The following BUB1 variants were observed in gnomAD, a reference collection of about 807,000 sequenced individuals.
BUB1 encodes BUB1 mitotic checkpoint serine/threonine kinase.
Under a neutral mutation model 135.2 loss-of-function variants are expected in BUB1, and 84 were observed. The ratio of observed to expected loss-of-function variants is 0.62; its 90% CI spans 0.52 to 0.74. The LOEUF (loss-of-function observed/expected upper bound fraction) is 0.74, where lower values mean the gene tolerates loss of function less well. Among genes scored for constraint, BUB1 ranks in the 30% least tolerant of loss-of-function variants. The pLI is 0.00. For synonymous variants in BUB1, 403 were observed against 434.4 expected (o/e 0.93, Z 0.90); for missense variants, 1,162 against 1,288.3 (o/e 0.90, Z 1.50).
At chr2:110,663,751 G>A (rs184931349) in intron 9 of BUB1, among the ~76,000 whole-genome samples, 3 of 152,302 alleles carry the variant, frequency 2.0e-5, no homozygotes, top group South Asian at 2.1e-4. Context: ...GATGCTGGCC[G>A]GGCACTGTGG....
chr2:110,666,185 A>T, intron 9 of BUB1, 78 bp downstream of exon 9: 1 of 1,273,532 alleles, frequency 7.9e-7, no homozygotes, highest in Non-Finnish European at 1.0e-6. Context: ...TAACTCTAAA[A>T]CAGCACATAG....
At chr2:110,669,930 A>C (rs1338693859) in intron 5 of BUB1, among the ~76,000 whole-genome samples, 2 of 151,994 alleles carry the variant, frequency 1.3e-5, no homozygotes, top group Non-Finnish European at 2.9e-5. Flanking sequence ...CAGATTAAGT[A>C]TTTTGGTCAA....
chr2:110,644,489 A>G (rs1408850201), intron 19 of BUB1, among the ~76,000 whole-genome samples: 1 of 151,980 alleles, frequency 6.6e-6, no homozygotes. Flanking sequence ...AAAAAAAAAA[A>G]AAAAAAAAAT....
chr2:110,657,066 G>A lies in BUB1; in HGVS notation c.1668C>T (p.Arg556=). The A allele has an allele frequency of 6.2e-7, 1 of 1,613,304 alleles. No homozygotes were observed. Among genetic ancestry groups the A allele is most frequent in the Non-Finnish European group, 8.5e-7 (1 of 1,179,540 alleles). ...KPTGARTFGE[R]SVSRLPSKPK... is the part of the protein sequence containing the mutation. ...GTTTTGAAGGAAGTCTGCTGACAGA[G>A]CGTTCTCCAAAGGTCCTGGCTCCTG... is the stretch of plus-strand genomic sequence containing the variant. The change falls in exon 15 of 25, where the codon CGC becomes CGT. Residue 556 remains arginine, a synonymous_variant. Transcript: ENST00000302759.
chr2:110,650,465 A>G, intron 18 of BUB1, 81 bp downstream of exon 18: 1 of 1,339,580 alleles, frequency 7.5e-7, no homozygotes, highest in Non-Finnish European at 1.0e-6. Flanking sequence ...TTCAAGTCCC[A>G]CTGTGGGTTT....
intron 23 of BUB1, among the ~76,000 whole-genome samples, chr2:110,640,683 T>A (rs925897335): frequency 6.6e-6 from 1 of 152,186 alleles, no homozygotes; most frequent in African/African-American, 2.4e-5. Context: ...TATCCCTGAT[T>A]TAGGAAATTG....
At chr2:110,668,753 A>G (rs758711753) in intron 6 of BUB1, among the ~76,000 whole-genome samples, 1 of 152,186 alleles carries the variant, frequency 6.6e-6, no homozygotes, top group Non-Finnish European at 1.5e-5. Context: ...ACCTTTTCTC[A>G]CAGGGAAGGA....
chr2:110,649,186 T>G (rs778075714), intron 19 of BUB1, 48 bp downstream of exon 19: 3 of 1,563,370 alleles, frequency 1.9e-6, no homozygotes, highest in Non-Finnish European at 2.6e-6. Context: ...CATCAACTTC[T>G]CATAGAGAAA....
In BUB1 at chr2:110,667,662, G is replaced by A. The variant is rs753509888; in HGVS notation, c.664C>T (p.His222Tyr). The change falls in exon 8 of 25, where the codon CAC becomes TAC. Residue 222 changes from histidine (H) to tyrosine (Y), a missense_variant. By Grantham distance (83) the His-to-Tyr change is moderately conservative. Transcript: ENST00000302759. ...TCAACTTTGGATGCCAAAGATGAGT[G>A]CACAGAATATTCTGATTTAGAAATC... Reference protein sequence around the residue: ...ITISKSEYSVHSSLASKVDVE... With the variant: ...ITISKSEYSVYSSLASKVDVE... The A allele has an allele frequency of 1.2e-6, 2 of 1,613,686 alleles. No individual in the cohort carries two copies. Among genetic ancestry groups the A allele is most frequent in the Non-Finnish European group, 1.7e-6 (2 of 1,179,912 alleles).
chr2:110,650,320 T>C (rs1689751302), intron 18 of BUB1, among the ~76,000 whole-genome samples: 1 of 152,188 alleles, frequency 6.6e-6, no homozygotes, highest in Non-Finnish European at 1.5e-5. Flanking sequence ...TCTAATTCCC[T>C]CTTCCAACAG....
Position 110,642,160 on chromosome 2 carries a change from C to G in BUB1, c.2422G>C (p.Asp808His), listed in dbSNP as rs748219999. 3 of 1,613,594 alleles carry G rather than the reference C, an allele frequency of 1.9e-6. No homozygotes were observed. Among genetic ancestry groups the G allele is most frequent in the South Asian group, 2.2e-5 (2 of 90,944 alleles). The part of the protein sequence containing the change: ...FAQVYEATQG[D>H]LNDAKNKQKF... ...TGTTTATTTTTAGCATCATTCAGATCTCCCTGGGTAGCTTCGTACACCTGG... is the reference window on the plus strand; with the variant it reads ...TGTTTATTTTTAGCATCATTCAGATGTCCCTGGGTAGCTTCGTACACCTGG... Residue 808 changes from aspartate (D) to histidine (H), a missense_variant, in exon 20 of 25, where the codon GAT becomes CAT. Coordinates refer to ENST00000302759, the MANE Select transcript of BUB1 (RefSeq NM_004336.5).
intron 1 of BUB1, chr2:110,676,444 A>C (rs1690586554): frequency 1.3e-5 from 2 of 152,224 alleles, no homozygotes; most frequent in South Asian, 4.1e-4. Flanking sequence ...TTATCTACCA[A>C]AACTGGACTG....
At chr2:110,666,003 GA>G in intron 9 of BUB1, 1 of 319,546 alleles carries the variant, frequency 3.1e-6, no homozygotes. Flanking sequence ...ACAAAAACCA[GA>G]AAAAGGTCTA....
rs1375523328 is a variant in BUB1, at chr2:110,656,996, G to A, written c.1698+40C>T. On this transcript the variant is annotated intron_variant, in intron 15 of 24. Coordinates refer to ENST00000302759, the MANE Select transcript of BUB1 (RefSeq NM_004336.5). ...TCATTTGGTAGAATAAAGCGGATGG[G>A]TTGTAGGACCCATTTCATAGATAAA... The A allele has an allele frequency of 4.0e-6, 6 of 1,516,070 alleles. No individual in the cohort carries two copies. In the Admixed American group the frequency reaches 8.6e-5, roughly 22 times the overall value. 93.9% of individuals were successfully genotyped at this position (1,516,070 alleles called of 1,614,324 possible).
chr2:110,639,664 T>TC, intron 24 of BUB1, 78 bp downstream of exon 24: 1 of 1,184,436 alleles, frequency 8.4e-7, no homozygotes, highest in East Asian at 2.4e-5. Flanking sequence ...GAGATCCTTT[T>TC]TTTTTTTTTG....
chr2:110,653,233 A>T (rs1316808045), intron 17 of BUB1, among the ~76,000 whole-genome samples: 1 of 152,228 alleles, frequency 6.6e-6, no homozygotes. Flanking sequence ...TGATGTATCA[A>T]GTGCTTAGGT....
In BUB1 at chr2:110,669,652, A is replaced by T. The variant is rs1013973352; in HGVS notation, c.467-99T>A. 12 of 719,778 alleles carry T rather than the reference A, an allele frequency of 1.7e-5. No individual in the cohort carries two copies. The Admixed American group carries it at 3.0e-4, about 18-fold the overall frequency. The allele number at this position is 719,778 out of a possible 1,614,324, so 44.6% of individuals were successfully genotyped here. ...TCCCCTGATCCTTCCAGTAGGAATC[A>T]TAAGAAGTAAATCAACTCATTCACA... On this transcript the variant is annotated intron_variant, in intron 5 of 24. Coordinates refer to ENST00000302759, the MANE Select transcript of BUB1 (RefSeq NM_004336.5).
chr2:110,639,857 A>C lies in BUB1; in HGVS notation c.2956-9T>G. On this transcript the variant is annotated splice_polypyrimidine_tract_variant and intron_variant, in intron 23 of 24. Coordinates refer to ENST00000302759, the MANE Select transcript of BUB1 (RefSeq NM_004336.5). ...ACCCCAAAGTAATCGATCTATGAAG[A>C]AGATAGAGGTATATATGACTTAAAT... 1 of 1,599,218 alleles carries C rather than the reference A, an allele frequency of 6.3e-7. No homozygotes were observed. The highest frequency in any genetic ancestry group is 8.6e-7 in the Non-Finnish European group (1 of 1,166,398).
In BUB1 at chr2:110,661,885, T is replaced by G. The variant is rs376047165; in HGVS notation, c.958-44A>C. On this transcript the variant is annotated intron_variant, in intron 9 of 24. Coordinates refer to ENST00000302759, the MANE Select transcript of BUB1 (RefSeq NM_004336.5). ...AAACAACAAAAACAAAACCATGAAG[T>G]CCAGAATACTACTAATCAGGCATTA... 9 of 1,596,912 alleles carry G rather than the reference T, an allele frequency of 5.6e-6. No homozygotes were observed. In the African/African-American group the frequency reaches 1.2e-4, roughly 22 times the overall value.
Sources: allele counts gnomAD v4.1 joint callset (sites outside exome capture counted in the v4.1 genomes callset), GRCh38; gene constraint gnomAD v4.1.1; transcripts MANE v1.5; gene names NCBI Gene and HGNC (gene_info 2026-07-23, HGNC 2026-07-21).